BACH2: variants seen among roughly 807,000 people sequenced by gnomAD.
BACH2 encodes BACH transcriptional regulator 2.
BACH2 carries 5 observed loss-of-function variants against 61.8 expected under a neutral mutation model. That is an observed-to-expected ratio of 0.08 (90% CI 0.04 to 0.17). The LOEUF (loss-of-function observed/expected upper bound fraction) is 0.17. Among genes scored for constraint, BACH2 ranks in the 10% least tolerant of loss-of-function variants. The pLI is 1.00. For missense variants in BACH2, 824 were observed against 1,091.1 expected (o/e 0.76, Z 3.45); for synonymous variants, 446 against 440.1 (o/e 1.01, Z -0.17).
intron 3 of BACH2, among the ~76,000 whole-genome samples, chr6:90,218,930 T>C (rs1769640202): frequency 6.6e-6 from 1 of 150,468 alleles, no homozygotes; most frequent in East Asian, 1.9e-4. Context: ...CGTGTGTGTG[T>C]GTGTGTGTGT....
chr6:90,065,635 C>T (rs1240398974), intron 5 of BACH2, among the ~76,000 whole-genome samples: 1 of 152,126 alleles, frequency 6.6e-6, no homozygotes, highest in African/African-American at 2.4e-5. Context: ...ATTATTCAGC[C>T]CCAGTCGAGC....
intron 5 of BACH2, among the ~76,000 whole-genome samples, chr6:90,083,651 G>A (rs1781812222): frequency 6.6e-6 from 1 of 152,082 alleles, no homozygotes; most frequent in Non-Finnish European, 1.5e-5. Flanking sequence ...AACTTTTAGA[G>A]TGCTTAACAT....
At chr6:90,166,744 T>C (rs1767632119) in intron 4 of BACH2, among the ~76,000 whole-genome samples, 1 of 152,188 alleles carries the variant, frequency 6.6e-6, no homozygotes, top group Non-Finnish European at 1.5e-5. Context: ...GATGAGTTCA[T>C]GTCCTTTGTA....
intron 4 of BACH2, among the ~76,000 whole-genome samples, chr6:90,178,422 CTGTT>C (rs1768049591): frequency 1.3e-5 from 2 of 152,168 alleles, no homozygotes; most frequent in Admixed American, 6.5e-5. Flanking sequence ...GGGAAAAAAT[CTGTT>C]TGTTCCCAGA....
chr6:90,051,395 G>A (rs1780039593), intron 5 of BACH2, among the ~76,000 whole-genome samples: 1 of 152,066 alleles, frequency 6.6e-6, no homozygotes, highest in Non-Finnish European at 1.5e-5. Flanking sequence ...CTGTAGACTA[G>A]ATACAGTCTA....
chr6:90,288,643 C>T (rs1015999396), intron 1 of BACH2, among the ~76,000 whole-genome samples: 2 of 152,142 alleles, frequency 1.3e-5, no homozygotes, highest in Admixed American at 1.3e-4. Context: ...AAATCTCCAG[C>T]TGAGAGTTGC....
intron 6 of BACH2, among the ~76,000 whole-genome samples, chr6:89,976,922 A>G (rs1775683024): frequency 6.6e-6 from 1 of 152,152 alleles, no homozygotes; most frequent in African/African-American, 2.4e-5. Flanking sequence ...CTACTACTTC[A>G]CCAGAAAAAG....
intron 5 of BACH2, among the ~76,000 whole-genome samples, chr6:90,080,560 TA>T (rs1278186954): frequency 6.6e-6 from 1 of 152,180 alleles, no homozygotes; most frequent in African/African-American, 2.4e-5. Flanking sequence ...TATTTTTGAT[TA>T]CTATCTTTCC....
rs1167056853 is a variant in BACH2, at chr6:89,926,996, GGAAGA to G, written c.*5407_*5411del. The G allele has an allele frequency of 2.0e-5, 3 of 152,782 alleles. No homozygotes were observed. In the Admixed American group the frequency reaches 2.0e-4, roughly 10 times the overall value. 9.5% of individuals were successfully genotyped at this position (152,782 alleles called of 1,614,324 possible). On this transcript the variant is annotated 3_prime_UTR_variant, in exon 9 of 9. Coordinates refer to ENST00000257749, the MANE Select transcript of BACH2 (RefSeq NM_021813.4). ...CTGTCCGTATTGTTCAACCTGGGGA[GGAAGA>G]GAAGAGGGGCTGCAGCCCCTTGCAT...
chr6:89,993,559 G>T (rs1387996047), intron 6 of BACH2, among the ~76,000 whole-genome samples: 1 of 152,114 alleles, frequency 6.6e-6, no homozygotes, highest in Non-Finnish European at 1.5e-5. Context: ...AGCCTTACAG[G>T]TGCAGATCCA....
At chr6:90,094,290 C>T (rs940572537) in intron 4 of BACH2, among the ~76,000 whole-genome samples, 1 of 152,162 alleles carries the variant, frequency 6.6e-6, no homozygotes, top group African/African-American at 2.4e-5. Context: ...TATCCCAACT[C>T]AACTCTTAGC....
At chr6:90,161,296 T>C (rs1036525084) in intron 4 of BACH2, among the ~76,000 whole-genome samples, 2 of 152,170 alleles carry the variant, frequency 1.3e-5, no homozygotes, top group Non-Finnish European at 2.9e-5. Context: ...TTTTTGCAGG[T>C]GTATTATCTG....
At chr6:90,210,806 A>G (rs1369379597) in intron 3 of BACH2, among the ~76,000 whole-genome samples, 3 of 152,160 alleles carry the variant, frequency 2.0e-5, no homozygotes, top group Non-Finnish European at 4.4e-5. Context: ...AGTTGGTTCA[A>G]TGGTCAATCT....
At chr6:90,053,441 G>T (rs973433509) in intron 5 of BACH2, among the ~76,000 whole-genome samples, 6 of 151,904 alleles carry the variant, frequency 3.9e-5, no homozygotes, top group African/African-American at 1.5e-4. Context: ...CACCCATTTG[G>T]CTAATTTATT....
Position 89,932,844 on chromosome 6 carries a change from G to A in BACH2, c.2090C>T (p.Ala697Val). 1 of 1,608,172 alleles carries A rather than the reference G, an allele frequency of 6.2e-7. No homozygotes were observed. Among genetic ancestry groups the A allele is most frequent in the African/African-American group, 1.3e-5 (1 of 74,926 alleles). Reference sequence around the variant, plus strand: ...GTTGTCCAACAGTTCCCCCATGCATGCTTTCAGTTGATTCCTCTCTGACAA... The same window carrying A: ...GTTGTCCAACAGTTCCCCCATGCATACTTTCAGTTGATTCCTCTCTGACAA... ...KLLSERNQLKACMGELLDNFS... is the reference protein window; with the variant it reads ...KLLSERNQLKVCMGELLDNFS... The change falls in exon 9 of 9, where the codon GCA becomes GTA. Residue 697 changes from alanine to valine, a missense_variant. By Grantham distance (64) the Ala-to-Val change is moderately conservative. Coordinates refer to ENST00000257749, the MANE Select transcript of BACH2 (RefSeq NM_021813.4).
chr6:90,052,851 A>G (rs1248728658), intron 5 of BACH2, among the ~76,000 whole-genome samples: 1 of 152,172 alleles, frequency 6.6e-6, no homozygotes, highest in Non-Finnish European at 1.5e-5. Context: ...ATATTTTTTA[A>G]AAAATCTTAA....
chr6:90,109,244 C>G (rs1783060082), intron 4 of BACH2, among the ~76,000 whole-genome samples: 1 of 152,046 alleles, frequency 6.6e-6, no homozygotes, highest in African/African-American at 2.4e-5. Flanking sequence ...ATGCTCAACT[C>G]TCTATTCTCA....
intron 4 of BACH2, among the ~76,000 whole-genome samples, chr6:90,115,094 G>A (rs1183824295): frequency 6.6e-6 from 1 of 152,120 alleles, no homozygotes; most frequent in Non-Finnish European, 1.5e-5. Flanking sequence ...TGGCTATACT[G>A]CCCGAAGCAA....
chr6:90,037,412 G>A (rs1014410300), intron 5 of BACH2, among the ~76,000 whole-genome samples: 1 of 152,234 alleles, frequency 6.6e-6, no homozygotes, highest in African/African-American at 2.4e-5. Flanking sequence ...AATCATGAAG[G>A]AGGCTAGTAA....
Sources: gnomAD v4.1 joint callset for allele counts (sites outside exome capture counted in the v4.1 genomes callset) on GRCh38, gnomAD v4.1.1 for gene constraint, MANE v1.5 for transcripts, NCBI Gene and HGNC (gene_info 2026-07-23, HGNC 2026-07-21) for gene names.